Variants in KSR2 observed in about 807,000 individuals in gnomAD.
The protein encoded by KSR2 is kinase suppressor of ras 2.
Under a neutral mutation model 107.8 loss-of-function variants are expected in KSR2, and 25 were observed. The observed-to-expected ratio is 0.23, with a 90% confidence interval of 0.17 to 0.32. The LOEUF is 0.32. KSR2 is among the 10% of genes least tolerant of loss of function. The pLI is 1.00. For synonymous variants in KSR2, 480 were observed against 507.0 expected, an observed-to-expected ratio of 0.95 and a Z score of 0.71; for missense variants, 887 against 1,268.9, an observed-to-expected ratio of 0.70 and a Z score of 4.57.
chr12:117,546,094 T>C (rs763316869), intron 9 of KSR2, among the ~76,000 whole-genome samples: 1 of 152,230 alleles, frequency 6.6e-6, no homozygotes, highest in Admixed American at 6.5e-5. Flanking sequence ...TTTTCCAAGA[T>C]TCTTTATTAC....
At chr12:117,899,553 T>C (rs1894622096) in intron 1 of KSR2, among the ~76,000 whole-genome samples, 1 of 152,152 alleles carries the variant, frequency 6.6e-6, no homozygotes, top group African/African-American at 2.4e-5. Flanking sequence ...TAAATAGTTT[T>C]GCCAAAGCCC....
At chr12:117,723,620 A>C (rs955031119) in intron 4 of KSR2, among the ~76,000 whole-genome samples, 1 of 152,138 alleles carries the variant, frequency 6.6e-6, no homozygotes, top group African/African-American at 2.4e-5. Context: ...AAGCTCAAAA[A>C]ATGCAAGTAA....
In KSR2 at chr12:117,938,213, A is replaced by G. The variant is rs562140995; in HGVS notation, c.180+29863T>C. ...TGTATTCTGTGTCCCAGTACCCAGC[A>G]CGGTGCCTGACGTGCAACACATATT... On this transcript the variant is annotated intron_variant, in intron 1 of 19. Coordinates refer to ENST00000339824, the MANE Select transcript of KSR2 (RefSeq NM_173598.6). Among the ~76,000 whole-genome samples, 10 of 152,274 alleles carry G rather than the reference A, an allele frequency of 6.6e-5. No homozygotes were observed. In the East Asian group the frequency reaches 1.9e-3, roughly 29 times the overall value.
At chr12:117,644,112 G>T (rs1883511176) in intron 5 of KSR2, among the ~76,000 whole-genome samples, 1 of 152,194 alleles carries the variant, frequency 6.6e-6, no homozygotes, top group South Asian at 2.1e-4. Context: ...CTCTGCAAAT[G>T]TGGATTCAAG....
At chr12:117,580,203 T>TA (rs1169113989) in intron 6 of KSR2, among the ~76,000 whole-genome samples, 4 of 152,150 alleles carry the variant, frequency 2.6e-5, no homozygotes, top group Non-Finnish European at 4.4e-5. Flanking sequence ...CCAAACAGAA[T>TA]AAGCCACAGC....
intron 8 of KSR2, among the ~76,000 whole-genome samples, chr12:117,555,831 T>G (rs1454300645): frequency 6.6e-6 from 1 of 152,224 alleles, no homozygotes; most frequent in Non-Finnish European, 1.5e-5. Context: ...TGCTTCCTGA[T>G]CCAAATCATA....
chr12:117,948,628 G>T (rs1365126094), intron 1 of KSR2, among the ~76,000 whole-genome samples: 1 of 152,074 alleles, frequency 6.6e-6, no homozygotes, highest in African/African-American at 2.4e-5. Flanking sequence ...TTCTTACAAA[G>T]GTGTAAAGGC....
chr12:117,881,205 G>A (rs1267652259), intron 1 of KSR2, among the ~76,000 whole-genome samples: 7 of 152,172 alleles, frequency 4.6e-5, no homozygotes, highest in Non-Finnish European at 4.4e-5. Flanking sequence ...AAGAATGAAG[G>A]CCTTTTCCGT....
At chr12:117,543,278 G>C (rs190090542) in intron 9 of KSR2, among the ~76,000 whole-genome samples, 2 of 152,316 alleles carry the variant, frequency 1.3e-5, no homozygotes, top group African/African-American at 4.8e-5. Context: ...CTCTTAGCCA[G>C]TGTTTGGTAT....
intron 4 of KSR2, among the ~76,000 whole-genome samples, chr12:117,689,878 T>C (rs1254032255): frequency 1.3e-5 from 2 of 152,006 alleles, no homozygotes; most frequent in Non-Finnish European, 2.9e-5. Context: ...TGGGGGGAAC[T>C]CCCAAATTTG....
At chr12:117,825,711 C>T (rs1891718567) in intron 3 of KSR2, among the ~76,000 whole-genome samples, 1 of 152,090 alleles carries the variant, frequency 6.6e-6, no homozygotes, top group African/African-American at 2.4e-5. Flanking sequence ...TCCACAAAGG[C>T]AGGAGCTTTG....
chr12:117,787,029 CAA>C (rs35140043), intron 3 of KSR2, among the ~76,000 whole-genome samples: 75 of 146,116 alleles, frequency 5.1e-4, no homozygotes, highest in African/African-American at 5.5e-4. Flanking sequence ...AACTCCATCT[CAA>C]AAAAAAAAAA....
intron 4 of KSR2, among the ~76,000 whole-genome samples, chr12:117,701,636 T>A (rs1057038488): frequency 6.6e-6 from 1 of 152,198 alleles, no homozygotes; most frequent in Non-Finnish European, 1.5e-5. Context: ...TGAATCAACC[T>A]GCATTGTCCA....
At chr12:117,560,691 G>A (rs545018456) in intron 7 of KSR2, among the ~76,000 whole-genome samples, 5 of 152,190 alleles carry the variant, frequency 3.3e-5, no homozygotes, top group Non-Finnish European at 7.3e-5. Flanking sequence ...CCTCCAAGTT[G>A]GAAGTGGACC....
chr12:117,645,706 A>G (rs377013613), intron 5 of KSR2, among the ~76,000 whole-genome samples: 2 of 152,312 alleles, frequency 1.3e-5, no homozygotes, highest in East Asian at 1.9e-4. Flanking sequence ...CCAATCTTAG[A>G]TCAACGCCTT....
At position 117,885,870 on chromosome 12, in the gene KSR2, T is replaced by A. The variant is rs549238569; in HGVS notation, c.181-25439A>T. Among the ~76,000 whole-genome samples, 8 of 151,922 alleles carry A rather than the reference T, an allele frequency of 5.3e-5. No individual in the cohort carries two copies. In the East Asian group the frequency reaches 1.5e-3, roughly 29 times the overall value. On this transcript the variant is annotated intron_variant, in intron 1 of 19. Coordinates refer to ENST00000339824, the MANE Select transcript of KSR2 (RefSeq NM_173598.6). ...CAGCACTTTGGGAGGCCAAGGCAGG[T>A]GGATCACAAGGTCAGGAGATCGAGA...
chr12:117,534,435 C>A (rs1217497888), intron 10 of KSR2, among the ~76,000 whole-genome samples: 1 of 152,174 alleles, frequency 6.6e-6, no homozygotes, highest in South Asian at 2.1e-4. Flanking sequence ...CAACCTAAAT[C>A]TGTTCTCTTG....
Position 117,663,761 on chromosome 12 carries a change from T to C in KSR2, c.1171+3713A>G, listed in dbSNP as rs564783966. 4.6e-5 allele frequency among the ~76,000 whole-genome samples: 7 copies of C among 152,312 alleles called. No homozygotes were observed. The East Asian group carries it at 1.4e-3, about 29-fold the overall frequency. ...TTCCTTCCATCTAGGTGGCACTCTTTCATTGTGAAGTAGCCTTTCTTTAGG... is the reference window on the plus strand; with the variant it reads ...TTCCTTCCATCTAGGTGGCACTCTTCCATTGTGAAGTAGCCTTTCTTTAGG... On this transcript the variant is annotated intron_variant, in intron 5 of 19. Coordinates refer to ENST00000339824, the MANE Select transcript of KSR2 (RefSeq NM_173598.6).
At chr12:117,954,301 T>C (rs191467199) in intron 1 of KSR2, among the ~76,000 whole-genome samples, 56 of 152,304 alleles carry the variant, frequency 3.7e-4, no homozygotes, top group Non-Finnish European at 5.7e-4. Flanking sequence ...TTTTAACTCT[T>C]CACCATGCAA....
Sources: gnomAD v4.1 joint callset for allele counts (sites outside exome capture counted in the v4.1 genomes callset) on GRCh38, gnomAD v4.1.1 for gene constraint, MANE v1.5 for transcripts, NCBI Gene and HGNC (gene_info 2026-07-23, HGNC 2026-07-21) for gene names.